FLVCR1: variants seen among roughly 807,000 people sequenced by gnomAD.
FLVCR1 encodes FLVCR choline and heme transporter 1.
A neutral mutation model predicts 53.6 loss-of-function variants in FLVCR1; 34 were observed. The observed-to-expected ratio is 0.63, with a 90% confidence interval of 0.48 to 0.84. The LOEUF (loss-of-function observed/expected upper bound fraction) is 0.84. Among genes scored for constraint, FLVCR1 ranks in the 40% least tolerant of loss-of-function variants. The pLI, the probability that FLVCR1 is intolerant of heterozygous loss-of-function variation, is 0.00. For missense variants in FLVCR1, 677 were observed against 696.7 expected, an observed-to-expected ratio of 0.97 and a Z score of 0.32; for synonymous variants, 300 against 286.3, an observed-to-expected ratio of 1.05 and a Z score of -0.48.
chr1:212,863,973 T>C (rs1664329113), intron 2 of FLVCR1, 104 bp downstream of exon 2: 3 of 920,156 alleles, frequency 3.3e-6, no homozygotes, highest in Non-Finnish European at 5.2e-6. Flanking sequence ...TGTCATGTGC[T>C]TTGTTTCATT....
intron 5 of FLVCR1, among the ~76,000 whole-genome samples, chr1:212,886,222 T>C (rs1246020111): frequency 6.6e-6 from 1 of 151,702 alleles, no homozygotes; most frequent in Non-Finnish European, 1.5e-5. Context: ...TTTGACTTTT[T>C]GATAGAGACA....
At chr1:212,869,669 A>G (rs1056372785) in intron 2 of FLVCR1, among the ~76,000 whole-genome samples, 1 of 152,084 alleles carries the variant, frequency 6.6e-6, no homozygotes, top group Admixed American at 6.6e-5. Context: ...TCAGCCTCCT[A>G]GCTGGGATTA....
In FLVCR1 at chr1:212,893,052, GCTT is replaced by G. The variant is rs1286422065; in HGVS notation, c.1526-1930_1526-1928del. On this transcript the variant is annotated intron_variant, in intron 8 of 9. Coordinates refer to ENST00000366971, the MANE Select transcript of FLVCR1 (RefSeq NM_014053.4). ...GTAAAACCTGAAGAAATGAAGGGTT[GCTT>G]CTTTTTTTTTGGGGGGGGGTGCCGG... Among the ~76,000 whole-genome samples the G allele has an allele frequency of 2.5e-5, 3 of 118,098 alleles. No individual in the cohort carries two copies. The Admixed American group carries it at 2.9e-4, about 11-fold the overall frequency. The allele number at this position is 118,098 out of a possible 152,430, so 77.5% of individuals were successfully genotyped here.
At chr1:212,877,647 T>G (rs1219030594) in intron 3 of FLVCR1, among the ~76,000 whole-genome samples, 1 of 151,380 alleles carries the variant, frequency 6.6e-6, no homozygotes, top group Non-Finnish European at 1.5e-5. Context: ...TGCAAACATT[T>G]TCTCCCATTC....
intron 2 of FLVCR1, among the ~76,000 whole-genome samples, chr1:212,867,349 T>A (rs373391776): frequency 2.8e-4 from 42 of 152,332 alleles, no homozygotes; most frequent in African/African-American, 9.6e-4. Flanking sequence ...GTGCCAAACA[T>A]GTTTGGAGGC....
intron 8 of FLVCR1, 127 bp downstream of exon 8, chr1:212,889,384 T>A: frequency 1.4e-6 from 1 of 699,128 alleles, no homozygotes; most frequent in South Asian, 1.5e-5. Flanking sequence ...CATTATTTGT[T>A]TTCTTCTAAA....
intron 1 of FLVCR1, among the ~76,000 whole-genome samples, chr1:212,862,581 T>C (rs976012714): frequency 6.6e-6 from 1 of 152,258 alleles, no homozygotes; most frequent in African/African-American, 2.4e-5. Flanking sequence ...TATCTGTTGA[T>C]AAATGTTTGG....
intron 1 of FLVCR1, among the ~76,000 whole-genome samples, chr1:212,860,009 G>A (rs577709055): frequency 3.3e-5 from 5 of 152,192 alleles, no homozygotes; most frequent in Admixed American, 1.3e-4. Flanking sequence ...TGGGCTGGGC[G>A]TGGTGGCTCA....
chr1:212,872,651 C>T, intron 2 of FLVCR1, 27 bp from the exon 3 acceptor site: 1 of 1,507,752 alleles, frequency 6.6e-7, no homozygotes, highest in Non-Finnish European at 9.2e-7. Context: ...ATTAAATATA[C>T]ATAATCCTTT....
chr1:212,865,485 A>ATTTTTTTTTTTTTTTTT (rs58544929), intron 2 of FLVCR1, among the ~76,000 whole-genome samples: 3 of 133,654 alleles, frequency 2.2e-5, no homozygotes, highest in African/African-American at 3.0e-5. Context: ...TGCAATAGGG[A>ATTTTTTTTTTTTTTTTT]TTTTTTTTTT....
Position 212,889,232 on chromosome 1 carries a change from G to C in FLVCR1, c.1500G>C (p.Trp500Cys). ...PKAGNIFLCVWMFIGIILTAL... is the reference protein window; with the variant it reads ...PKAGNIFLCVCMFIGIILTAL... ...CAGGGAACATTTTTCTCTGTGTCTG[G>C]ATGTTTATAGGCATCATATTAACAG... Residue 500 changes from tryptophan to cysteine, a missense_variant, in exon 8 of 10, where the codon TGG (tryptophan) becomes TGC (cysteine). Physicochemically the swap from Trp to Cys is radical, Grantham distance 215. Transcript: ENST00000366971. The C allele has an allele frequency of 6.2e-7, 1 of 1,612,322 alleles. No homozygotes were observed. Among genetic ancestry groups the C allele is most frequent in the Non-Finnish European group, 8.5e-7 (1 of 1,178,498 alleles).
At chr1:212,894,434 T>C (rs1367665934) in intron 8 of FLVCR1, among the ~76,000 whole-genome samples, 1 of 152,208 alleles carries the variant, frequency 6.6e-6, no homozygotes, top group Non-Finnish European at 1.5e-5. Flanking sequence ...ATTACAGGCA[T>C]GACCCACCAC....
chr1:212,885,273 C>G lies in FLVCR1; in HGVS notation c.1093-20C>G. 1 of 1,566,924 alleles carries G rather than the reference C, an allele frequency of 6.4e-7. No homozygotes were observed. Among genetic ancestry groups the G allele is most frequent in the Non-Finnish European group, 8.8e-7 (1 of 1,137,094 alleles). Reference sequence around the variant, plus strand: ...GTTAATCCATTTATTTGATCAACTTCTTACGCAAATTTTTTTCAGGGAGAA... The same window carrying G: ...GTTAATCCATTTATTTGATCAACTTGTTACGCAAATTTTTTTCAGGGAGAA... On this transcript the variant is annotated intron_variant, in intron 4 of 9. Coordinates refer to ENST00000366971, the MANE Select transcript of FLVCR1 (RefSeq NM_014053.4).
intron 4 of FLVCR1, among the ~76,000 whole-genome samples, chr1:212,884,561 A>G (rs41300035): frequency 0.023 from 3,501 of 152,344 alleles, 63 homozygotes; most frequent in South Asian, 0.041. Flanking sequence ...ATAAATAAAT[A>G]TCAAGTTTTG....
rs188986592 is a variant in FLVCR1, at chr1:212,882,152, G to T, written c.1025-1219G>T. On this transcript the variant is annotated intron_variant, in intron 3 of 9. Transcript: ENST00000366971. ...GGTCTACTCTAGATATATACTTAGA[G>T]AAGCTCTTATGTATAAGAACAAAAA... Among the ~76,000 whole-genome samples the T allele has an allele frequency of 2.2e-4, 33 of 152,292 alleles. No individual in the cohort carries two copies. The East Asian group carries it at 2.7e-3, about 12-fold the overall frequency.
intron 1 of FLVCR1, 149 bp from the exon 2 acceptor site, chr1:212,863,574 CTT>C (rs1292644346): frequency 3.1e-6 from 2 of 641,302 alleles, no homozygotes; most frequent in African/African-American, 1.9e-5. Context: ...GGGAGACAGA[CTT>C]TGTCTCAAAA....
chr1:212,873,425 T>C (rs769207845), intron 3 of FLVCR1, among the ~76,000 whole-genome samples: 1 of 152,234 alleles, frequency 6.6e-6, no homozygotes, highest in Non-Finnish European at 1.5e-5. Flanking sequence ...GTTATCCTGA[T>C]GTAAGCAGGT....
intron 2 of FLVCR1, among the ~76,000 whole-genome samples, chr1:212,871,869 A>G (rs908786175): frequency 6.6e-6 from 1 of 152,200 alleles, no homozygotes; most frequent in South Asian, 2.1e-4. Context: ...GTCAGACACC[A>G]TATACCACCA....
At chr1:212,881,541 G>A (rs2102561843) in intron 3 of FLVCR1, among the ~76,000 whole-genome samples, 1 of 152,086 alleles carries the variant, frequency 6.6e-6, no homozygotes, top group South Asian at 2.1e-4. Context: ...GTTTCACCAT[G>A]TTGGCCAGAC....
Sources: gnomAD v4.1 joint callset for allele counts (sites outside exome capture counted in the v4.1 genomes callset) on GRCh38, gnomAD v4.1.1 for gene constraint, MANE v1.5 for transcripts, NCBI Gene and HGNC (gene_info 2026-07-23, HGNC 2026-07-21) for gene names.